CHRDL1: variants seen among roughly 807,000 people sequenced by gnomAD.
CHRDL1 encodes the protein chordin-like protein 1.
Under a neutral mutation model 40.9 loss-of-function variants are expected in CHRDL1, and 19 were observed. The observed-to-expected ratio is 0.46, with a 90% CI of 0.32 to 0.68. The LOEUF is 0.68. CHRDL1 is among the 30% of genes least tolerant of loss of function. The pLI is 0.03. For synonymous variants in CHRDL1, 136 were observed against 123.4 expected, an observed-to-expected ratio of 1.10 and a Z score of -0.68; for missense variants, 329 against 352.1, an observed-to-expected ratio of 0.93 and a Z score of 0.53.
intron 4 of CHRDL1, among the ~76,000 whole-genome samples, chrX:110,738,387 A>AT (rs1225167920): frequency 1.8e-5 from 2 of 111,884 alleles, no homozygotes; most frequent in African/African-American, 3.3e-5. Context: ...GCCATGCCTT[A>AT]TTTTTTTCTC....
chrX:110,745,123 C>T (rs778654080), intron 4 of CHRDL1, among the ~76,000 whole-genome samples: 5 of 111,496 alleles, frequency 4.5e-5, no homozygotes, highest in Non-Finnish European at 7.5e-5. Flanking sequence ...GTGCTCAGTT[C>T]TTCCAGGTTC....
intron 4 of CHRDL1, among the ~76,000 whole-genome samples, chrX:110,755,270 C>T (rs898032738): frequency 4.5e-5 from 5 of 111,280 alleles, no homozygotes; most frequent in Admixed American, 9.6e-5. Context: ...TTGACCTCTG[C>T]CAAGACTTGG....
intron 2 of CHRDL1, among the ~76,000 whole-genome samples, chrX:110,787,778 C>T (rs2148538225): frequency 8.9e-6 from 1 of 112,585 alleles, no homozygotes; most frequent in East Asian, 2.8e-4. Flanking sequence ...CTTGAAGATC[C>T]AGTTAACTAC....
chrX:110,759,129 C>T (rs1195631553), intron 4 of CHRDL1, among the ~76,000 whole-genome samples: 1 of 112,029 alleles, frequency 8.9e-6, no homozygotes, highest in East Asian at 2.8e-4. Flanking sequence ...CCTGGCTGCC[C>T]CTTAGAATTA....
chrX:110,700,833 T>C, intron 6 of CHRDL1, 112 bp from the exon 7 acceptor site: 1 of 502,581 alleles, frequency 2.0e-6, no homozygotes, highest in Non-Finnish European at 3.3e-6. Flanking sequence ...TCTTGAAGTG[T>C]TTTTGCTTTT....
At chrX:110,789,524 A>C (rs1044528445) in intron 2 of CHRDL1, among the ~76,000 whole-genome samples, 12 of 112,547 alleles carry the variant, frequency 1.1e-4, no homozygotes, top group African/African-American at 3.5e-4. Flanking sequence ...AGACTGGTTA[A>C]ATAAACCAAT....
chrX:110,676,339 T>G lies in CHRDL1; in HGVS notation c.1269A>C (p.Glu423Asp), dbSNP rs990662468. ...TTLSQWKIFT[E>D]GEAQISQMCS... ...ACATCTGGCTGATCTGAGCTTCTCC[T>G]TCGGTGAAGATCTTCCACTGGCCTA... The change falls in exon 12 of 12, where the codon GAA (glutamate) becomes GAC (aspartate). Residue 423 changes from glutamate (E) to aspartate (D), a missense_variant. By Grantham distance (45) the Glu-to-Asp change is conservative. Transcript: ENST00000372042. 2 of 1,210,232 alleles carry G rather than the reference T, an allele frequency of 1.7e-6. No individual in the cohort carries two copies. Among genetic ancestry groups the G allele is most frequent in the Admixed American group, 2.2e-5 (1 of 45,951 alleles).
At chrX:110,684,899 T>C (rs2069973352) in intron 9 of CHRDL1, among the ~76,000 whole-genome samples, 1 of 111,907 alleles carries the variant, frequency 8.9e-6, no homozygotes. Context: ...ATACACAGAA[T>C]GAGACAGAAA....
chrX:110,771,326 G>A (rs908202434), intron 2 of CHRDL1, among the ~76,000 whole-genome samples: 6 of 111,344 alleles, frequency 5.4e-5, no homozygotes, highest in Non-Finnish European at 9.4e-5. Flanking sequence ...CTTCCCAACT[G>A]AATATTTAAT....
chrX:110,756,117 T>C (rs1402962845), intron 4 of CHRDL1, among the ~76,000 whole-genome samples: 1 of 111,764 alleles, frequency 8.9e-6, no homozygotes, highest in South Asian at 3.7e-4. Flanking sequence ...TGGTTCAATA[T>C]GGCAAAGAGA....
chrX:110,691,600 C>A (rs1457087530), intron 8 of CHRDL1, among the ~76,000 whole-genome samples: 1 of 111,576 alleles, frequency 9.0e-6, no homozygotes, highest in Non-Finnish European at 1.9e-5. Context: ...TGATGCATTT[C>A]TAGGAATTGG....
At chrX:110,792,349 T>A in intron 1 of CHRDL1, 134 bp from the exon 2 acceptor site, 1 of 381,621 alleles carries the variant, frequency 2.6e-6, no homozygotes, top group Non-Finnish European at 4.6e-6. Flanking sequence ...AAGTATTGTC[T>A]GCCTGCACAA....
chrX:110,707,195 G>C (rs1473094952), intron 6 of CHRDL1, among the ~76,000 whole-genome samples: 2 of 111,655 alleles, frequency 1.8e-5, no homozygotes, highest in Non-Finnish European at 3.8e-5. Context: ...ACTAGTATAA[G>C]GATTCTCCAC....
chrX:110,701,762 C>G (rs945937742), intron 6 of CHRDL1, among the ~76,000 whole-genome samples: 1 of 110,915 alleles, frequency 9.0e-6, no homozygotes, highest in African/African-American at 3.3e-5. Flanking sequence ...TGCAGTGAGC[C>G]GAGATGATGC....
intron 6 of CHRDL1, among the ~76,000 whole-genome samples, chrX:110,705,542 A>G (rs2070620555): frequency 9.6e-6 from 1 of 103,839 alleles, no homozygotes. Flanking sequence ...TATGTTATAT[A>G]TATCATACAG....
At chrX:110,775,121 C>T (rs945748941) in intron 2 of CHRDL1, among the ~76,000 whole-genome samples, 2 of 111,426 alleles carry the variant, frequency 1.8e-5, no homozygotes, top group Non-Finnish European at 3.8e-5. Flanking sequence ...ATGTGGTGAA[C>T]ACATTTCCAC....
chrX:110,689,107 T>C (rs867164908), intron 8 of CHRDL1, among the ~76,000 whole-genome samples: 1 of 81,328 alleles, frequency 1.2e-5, no homozygotes, highest in Non-Finnish European at 2.3e-5. Flanking sequence ...TATATATATA[T>C]ATATATTTTA....
intron 7 of CHRDL1, among the ~76,000 whole-genome samples, chrX:110,695,495 G>T (rs973862870): frequency 1.8e-5 from 2 of 112,041 alleles, no homozygotes; most frequent in African/African-American, 6.5e-5. Flanking sequence ...AGTAGGCTGG[G>T]GGTACAAGAA....
intron 4 of CHRDL1, among the ~76,000 whole-genome samples, chrX:110,727,863 G>C (rs1434055498): frequency 8.9e-6 from 1 of 111,801 alleles, no homozygotes; most frequent in Non-Finnish European, 1.9e-5. Flanking sequence ...ACTTGCACAT[G>C]TGTGAAACAT....
Sources: gnomAD v4.1 joint callset for allele counts (sites outside exome capture counted in the v4.1 genomes callset) on GRCh38, gnomAD v4.1.1 for gene constraint, MANE v1.5 for transcripts, NCBI Gene and HGNC (gene_info 2026-07-23, HGNC 2026-07-21) for gene names.